Variants in SORCS2 observed in about 807,000 individuals in gnomAD.
SORCS2 encodes the protein VPS10 domain-containing receptor SorCS2.
SORCS2 carries 100 observed loss-of-function variants against 141.6 expected under a neutral mutation model. The ratio of observed to expected loss-of-function variants is 0.71; its 90% CI spans 0.60 to 0.83. The LOEUF is 0.83. Ranked by LOEUF, SORCS2 falls within the 40% of genes least tolerant of loss-of-function variation. The pLI is 0.00. For synonymous variants in SORCS2, 789 were observed against 676.9 expected, an observed-to-expected ratio of 1.17 and a Z score of -2.57; for missense variants, 1,646 against 1,560.2, an observed-to-expected ratio of 1.05 and a Z score of -0.93.
At position 7,396,296 on chromosome 4, in the gene SORCS2, G is replaced by A. The variant is rs561217804; in HGVS notation, c.489G>A (p.Leu163=). 6.2e-7 allele frequency: 1 copy of A among 1,613,926 alleles called. No homozygotes were observed. Among genetic ancestry groups the A allele is most frequent in the East Asian group, 2.2e-5 (1 of 44,866 alleles). ...TTCTGTTAACACCACAGGTGATCTT[G>A]ATCCTGACGAAGTACTACCACGCAG... ...HWTGENSSVI[L]ILTKYYHADM... The change falls in exon 2 of 27, where the codon TTG becomes TTA. Residue 163 remains leucine (L), a synonymous_variant. Coordinates refer to ENST00000507866, the MANE Select transcript of SORCS2 (RefSeq NM_020777.3).
chr4:7,308,079 G>A (rs960949948), intron 1 of SORCS2, among the ~76,000 whole-genome samples: 1 of 152,128 alleles, frequency 6.6e-6, no homozygotes. Context: ...TGTGCTGCTG[G>A]CATAGTCAGG....
At chr4:7,449,245 C>T (rs551993033) in intron 2 of SORCS2, among the ~76,000 whole-genome samples, 3 of 1,750 alleles carry the variant, frequency 1.7e-3, no homozygotes, top group Non-Finnish European at 4.0e-3. Context: ...CTCCCTCCCT[C>T]CCTCCCTCCC....
intron 3 of SORCS2, among the ~76,000 whole-genome samples, chr4:7,610,928 G>T (rs1718365495): frequency 6.6e-6 from 1 of 152,180 alleles, no homozygotes; most frequent in Non-Finnish European, 1.5e-5. Flanking sequence ...GGGACTTTCA[G>T]ATTCAGTCAT....
intron 1 of SORCS2, among the ~76,000 whole-genome samples, chr4:7,354,880 G>A (rs1251779193): frequency 6.6e-6 from 1 of 152,144 alleles, no homozygotes; most frequent in Non-Finnish European, 1.5e-5. Flanking sequence ...TACATGATAA[G>A]GAAGGTTTAT....
At chr4:7,365,961 G>A (rs1423151165) in intron 1 of SORCS2, among the ~76,000 whole-genome samples, 1 of 152,184 alleles carries the variant, frequency 6.6e-6, no homozygotes. Context: ...AAACGAGCCC[G>A]GGAAGACAGT....
At chr4:7,363,040 C>T (rs1170070103) in intron 1 of SORCS2, among the ~76,000 whole-genome samples, 1 of 150,028 alleles carries the variant, frequency 6.7e-6, no homozygotes, top group Non-Finnish European at 1.5e-5. Flanking sequence ...CCATCATTAA[C>T]ATCATCACCA....
At chr4:7,292,842 T>C (rs1716701803) in intron 1 of SORCS2, among the ~76,000 whole-genome samples, 3 of 152,234 alleles carry the variant, frequency 2.0e-5, no homozygotes, top group African/African-American at 7.2e-5. Flanking sequence ...GTGTGCTGAA[T>C]TTCTTTTCCA....
At chr4:7,508,734 A>G (rs1239887394) in intron 2 of SORCS2, among the ~76,000 whole-genome samples, 3 of 152,186 alleles carry the variant, frequency 2.0e-5, no homozygotes, top group Non-Finnish European at 4.4e-5. Flanking sequence ...AAAGCCACAG[A>G]TCTATTTTTG....
chr4:7,658,298 G>A (rs1721937036), intron 5 of SORCS2, among the ~76,000 whole-genome samples: 1 of 150,172 alleles, frequency 6.7e-6, no homozygotes, highest in African/African-American at 2.4e-5. Flanking sequence ...TGAGTGAGTG[G>A]GTGAGTGAGT....
At chr4:7,433,226 C>A (rs147175966) in intron 2 of SORCS2, 2 of 1,292,150 alleles carry the variant, frequency 1.5e-6, no homozygotes, top group East Asian at 5.7e-5. Flanking sequence ...CTCCTCAGAG[C>A]TTCAGTTTTT....
intron 3 of SORCS2, among the ~76,000 whole-genome samples, chr4:7,595,028 T>C (rs2108781020): frequency 6.6e-6 from 1 of 152,186 alleles, no homozygotes; most frequent in South Asian, 2.1e-4. Flanking sequence ...TACTATCAGA[T>C]CCAGGCTCGG....
At chr4:7,289,364 T>G (rs1440029222) in intron 1 of SORCS2, among the ~76,000 whole-genome samples, 1 of 152,180 alleles carries the variant, frequency 6.6e-6, no homozygotes, top group Non-Finnish European at 1.5e-5. Context: ...CTGTGCCAAC[T>G]CTGACATCAC....
chr4:7,732,252 C>T (rs368828073), intron 23 of SORCS2, among the ~76,000 whole-genome samples: 1 of 152,222 alleles, frequency 6.6e-6, no homozygotes, highest in Admixed American at 6.5e-5. Flanking sequence ...GAGACATGGC[C>T]TCACACCTGT....
In SORCS2 at chr4:7,463,015, G is replaced by A. The variant is rs554321780; in HGVS notation, c.548+66660G>A. On this transcript the variant is annotated intron_variant, in intron 2 of 26. Coordinates refer to ENST00000507866, the MANE Select transcript of SORCS2 (RefSeq NM_020777.3). Reference sequence around the variant, plus strand: ...CCACACCTCCCTGGTCTCTGCCACCGTATCTCAGCTCCCAGTGTGACAACA... The same window carrying A: ...CCACACCTCCCTGGTCTCTGCCACCATATCTCAGCTCCCAGTGTGACAACA... Among the ~76,000 whole-genome samples the A allele has an allele frequency of 1.4e-4, 21 of 151,866 alleles. No individual in the cohort carries two copies. The East Asian group carries it at 3.5e-3, about 25-fold the overall frequency.
At position 7,694,507 on chromosome 4, in the gene SORCS2, C is replaced by T. The variant is rs116130175; in HGVS notation, c.1592-2691C>T. ...CAGATAGCATTTCTTAAAAGACAGACGTGTGCACATTTGAAATTACAAACT... is the reference window on the plus strand; with the variant it reads ...CAGATAGCATTTCTTAAAAGACAGATGTGTGCACATTTGAAATTACAAACT... On this transcript the variant is annotated intron_variant, in intron 11 of 26. Transcript: ENST00000507866. 4.5e-3 allele frequency among the ~76,000 whole-genome samples: 679 copies of T among 152,228 alleles called. 5 individuals are homozygous for T. The highest frequency in any genetic ancestry group is 0.016 in the African/African-American group (655 of 41,526).
chr4:7,575,343 G>A (rs1476136766), intron 3 of SORCS2, among the ~76,000 whole-genome samples: 1 of 152,184 alleles, frequency 6.6e-6, no homozygotes, highest in African/African-American at 2.4e-5. Context: ...ATATTATCAT[G>A]TCAACAAATA....
At position 7,550,132 on chromosome 4, in the gene SORCS2, A is replaced by ATGTGTGTGTGTGTGTG. The variant is rs36213889; in HGVS notation, c.648+18517_648+18532dup. 3.4e-4 allele frequency among the ~76,000 whole-genome samples: 48 copies of ATGTGTGTGTGTGTGTG among 142,274 alleles called. No homozygotes were observed. The East Asian group carries it at 7.1e-3, about 21-fold the overall frequency. The allele number at this position is 142,274 out of a possible 152,430, so 93.3% of individuals were successfully genotyped here. On this transcript the variant is annotated intron_variant, in intron 3 of 26. Transcript: ENST00000507866. ...TCCGTGTGTGTGTGTGTATGTGTGT[A>ATGTGTGTGTGTGTGTG]TGTGTGTGTGTGTGTGTGTGTGTGT... is the stretch of plus-strand genomic sequence containing the variant.
In SORCS2 at chr4:7,464,896, C is replaced by A. The variant is rs568703339; in HGVS notation, c.549-66634C>A. Reference sequence around the variant, plus strand: ...GGTGATGCTGCCTTCCTTCTAAAAGCCGGCGCCTCCGGCCATGGGTCCCGG... The same window carrying A: ...GGTGATGCTGCCTTCCTTCTAAAAGACGGCGCCTCCGGCCATGGGTCCCGG... On this transcript the variant is annotated intron_variant, in intron 2 of 26. Coordinates refer to ENST00000507866, the MANE Select transcript of SORCS2 (RefSeq NM_020777.3). Among the ~76,000 whole-genome samples, 155 of 152,338 alleles carry A rather than the reference C, an allele frequency of 1.0e-3. 2 individuals carry two copies. In the Middle Eastern group the frequency reaches 0.02, roughly 20 times the overall value.
intron 9 of SORCS2, among the ~76,000 whole-genome samples, chr4:7,682,339 C>A (rs1003759856): frequency 6.6e-6 from 1 of 152,054 alleles, no homozygotes; most frequent in East Asian, 1.9e-4. Context: ...GATGTGTGGT[C>A]CAATAGAAAG....
Sources: allele counts gnomAD v4.1 joint callset (sites outside exome capture counted in the v4.1 genomes callset), GRCh38; gene constraint gnomAD v4.1.1; transcripts MANE v1.5; gene names NCBI Gene and HGNC (gene_info 2026-07-23, HGNC 2026-07-21).